HLCS: variants seen among roughly 807,000 people sequenced by gnomAD.
HLCS encodes the protein biotin--protein ligase.
In HLCS, 53 loss-of-function variants were observed where a neutral mutation model predicts 75.0. The observed-to-expected ratio is 0.71, with a 90% confidence interval of 0.57 to 0.89. HLCS has a LOEUF of 0.89. Ranked by LOEUF, HLCS falls within the 40% of genes least tolerant of loss-of-function variation. The pLI is 0.00. For missense variants in HLCS, 966 were observed against 1,074.0 expected, an observed-to-expected ratio of 0.90 and a Z score of 1.41; for synonymous variants, 431 against 428.6, an observed-to-expected ratio of 1.01 and a Z score of -0.07.
At position 36,987,610 on chromosome 21, in the gene HLCS, C is replaced by G. The variant is rs564982861; in HGVS notation, c.-393+2548G>C. ...CCTGGGCAACAGAGCGAGACTCTGT[C>G]TCCAAAAAAACGAAAAGTTGTGTTA... is the stretch of plus-strand genomic sequence containing the variant. On this transcript the variant is annotated intron_variant, in intron 1 of 11. Transcript: ENST00000336648. 3.3e-5 allele frequency among the ~76,000 whole-genome samples: 5 copies of G among 152,214 alleles called. No individual in the cohort carries two copies. The South Asian group carries it at 1.0e-3, about 32-fold the overall frequency.
In HLCS at chr21:36,936,767, G is replaced by A. The variant is rs768927843; in HGVS notation, c.1119C>T (p.Pro373=). The A allele has an allele frequency of 4.0e-5, 65 of 1,614,082 alleles. No homozygotes were observed. The highest frequency in any genetic ancestry group is 3.8e-4 in the South Asian group (35 of 91,092). The change falls in exon 4 of 11, where the codon CCC becomes CCT. Residue 373 remains proline (P), a synonymous_variant. Coordinates refer to ENST00000674895, the MANE Select transcript of HLCS (RefSeq NM_001352514.2). ...CCATGAACTTCTGGTACAGGTCTTC[G>A]GGAATGGACTCCCTGGTAGCAATGA... ...LLVIATRESI[P]EDLYQKFMAY... is the part of the protein sequence containing the mutation.
intron 1 of HLCS, among the ~76,000 whole-genome samples, chr21:36,966,154 C>A (rs535503130): frequency 2.6e-4 from 39 of 152,344 alleles, no homozygotes; most frequent in African/African-American, 7.0e-4. Flanking sequence ...GCACTGCTGG[C>A]GTCCGGCTGT....
At chr21:36,755,071 C>A (rs185002104) in intron 10 of HLCS, among the ~76,000 whole-genome samples, 2 of 152,234 alleles carry the variant, frequency 1.3e-5, no homozygotes, top group East Asian at 3.9e-4. Flanking sequence ...TAAACACACA[C>A]AAGCACACAT....
rs375185996 is a variant in HLCS at position 36,942,170 on chromosome 21, T to G, written c.331-3176A>C. Among the ~76,000 whole-genome samples, 293 of 151,036 alleles carry G rather than the reference T, an allele frequency of 1.9e-3. 3 individuals carry two copies. Among genetic ancestry groups the G allele is most frequent in the African/African-American group, 6.9e-3 (283 of 41,154 alleles). The stretch of plus-strand genomic sequence containing the variant: ...CCTGGGCACTCCAGCCTGGCGACAG[T>G]CTCAAAAAAAACCTATTAAACTTTA... On this transcript the variant is annotated intron_variant, in intron 2 of 10. Transcript: ENST00000674895.
intron 6 of HLCS, among the ~76,000 whole-genome samples, chr21:36,835,201 T>C (rs553163617): frequency 6.6e-6 from 1 of 152,336 alleles, no homozygotes; most frequent in African/African-American, 2.4e-5. Context: ...GTAAAGTCAC[T>C]GATGGTTTAG....
At chr21:36,857,697 T>C (rs1218759870) in intron 6 of HLCS, among the ~76,000 whole-genome samples, 1 of 152,134 alleles carries the variant, frequency 6.6e-6, no homozygotes, top group Non-Finnish European at 1.5e-5. Flanking sequence ...TCATCCAAGC[T>C]CCCCTCAACA....
intron 2 of HLCS, among the ~76,000 whole-genome samples, chr21:36,948,928 C>T (rs930392364): frequency 2.0e-5 from 3 of 151,992 alleles, no homozygotes; most frequent in Non-Finnish European, 4.4e-5. Context: ...GCAGGTCTCG[C>T]TGAATAACTG....
intron 5 of HLCS, among the ~76,000 whole-genome samples, chr21:36,900,978 G>A (rs916861696): frequency 6.6e-6 from 1 of 152,060 alleles, no homozygotes; most frequent in African/African-American, 2.4e-5. Flanking sequence ...AATCCCACGG[G>A]GGCTGGGCGC....
chr21:36,789,592 G>C (rs1347835448), intron 6 of HLCS, among the ~76,000 whole-genome samples: 1 of 152,170 alleles, frequency 6.6e-6, no homozygotes, highest in Admixed American at 6.5e-5. Flanking sequence ...TACCATGGTT[G>C]GAAGTGTACA....
chr21:36,823,881 C>T (rs2061926685), intron 6 of HLCS, among the ~76,000 whole-genome samples: 1 of 152,164 alleles, frequency 6.6e-6, no homozygotes. Context: ...CATAGGTTCT[C>T]TGAGCATCTA....
intron 5 of HLCS, among the ~76,000 whole-genome samples, chr21:36,928,899 A>G (rs960746735): frequency 6.6e-6 from 1 of 152,214 alleles, no homozygotes; most frequent in African/African-American, 2.4e-5. Flanking sequence ...GGGGAAATCA[A>G]TACTCCCTCA....
At chr21:36,845,248 G>A (rs186061332) in intron 6 of HLCS, among the ~76,000 whole-genome samples, 141 of 152,186 alleles carry the variant, frequency 9.3e-4, no homozygotes, top group Non-Finnish European at 1.7e-3. Flanking sequence ...ACTCGGCCCC[G>A]ATCAAAGCGG....
chr21:36,860,379 G>A (rs79936191), intron 6 of HLCS, among the ~76,000 whole-genome samples: 14,719 of 117,422 alleles, frequency 0.13, 2,419 homozygotes, highest in African/African-American at 0.37. Flanking sequence ...AGCCACACCC[G>A]CCAGGAAGTC....
At chr21:36,869,218 A>G (rs1036059705) in intron 6 of HLCS, among the ~76,000 whole-genome samples, 1 of 151,906 alleles carries the variant, frequency 6.6e-6, no homozygotes, top group Non-Finnish European at 1.5e-5. Flanking sequence ...TCCGCCTTCC[A>G]GGTTCACGCC....
intron 6 of HLCS, among the ~76,000 whole-genome samples, chr21:36,797,539 T>C (rs79605483): frequency 0.051 from 7,719 of 152,276 alleles, 307 homozygotes; most frequent in South Asian, 0.18. Flanking sequence ...TGTAAAAAGC[T>C]CTAAGTTAAC....
intron 2 of HLCS, among the ~76,000 whole-genome samples, chr21:36,939,595 C>T (rs774191867): frequency 1.5e-4 from 23 of 152,142 alleles, no homozygotes; most frequent in Non-Finnish European, 2.9e-4. Flanking sequence ...GACAGTTCCT[C>T]CCTGTAAGGA....
intron 6 of HLCS, among the ~76,000 whole-genome samples, chr21:36,778,047 C>G (rs1158500420): frequency 6.6e-6 from 1 of 152,178 alleles, no homozygotes; most frequent in Non-Finnish European, 1.5e-5. Context: ...CAGCTCACTG[C>G]AAGCTCCACC....
intron 5 of HLCS, among the ~76,000 whole-genome samples, chr21:36,903,568 A>G (rs931498279): frequency 2.0e-5 from 3 of 152,220 alleles, no homozygotes; most frequent in Non-Finnish European, 4.4e-5. Flanking sequence ...CAAATATCCC[A>G]TTCAAAGTCA....
intron 5 of HLCS, among the ~76,000 whole-genome samples, chr21:36,921,638 C>A (rs1009742470): frequency 2.2e-4 from 33 of 152,132 alleles, no homozygotes; most frequent in African/African-American, 7.2e-4. Context: ...TAGCTGACTG[C>A]TGATGGGCAA....
Sources: gnomAD v4.1 joint callset for allele counts (sites outside exome capture counted in the v4.1 genomes callset) on GRCh38, gnomAD v4.1.1 for gene constraint, MANE v1.5 for transcripts, NCBI Gene and HGNC (gene_info 2026-07-23, HGNC 2026-07-21) for gene names.